The following NTM variants were observed in gnomAD, a reference collection of about 807,000 sequenced individuals.
The protein encoded by NTM is neurotrimin.
In NTM, 13 loss-of-function variants were observed where a neutral mutation model predicts 42.1. That is an observed-to-expected ratio of 0.31 (90% CI 0.20 to 0.49). NTM has a LOEUF of 0.49. Among genes scored for constraint, NTM ranks in the 20% least tolerant of loss-of-function variants. The pLI is 0.99. For missense variants in NTM, 373 were observed against 452.8 expected, an observed-to-expected ratio of 0.82 and a Z score of 1.60; for synonymous variants, 187 against 179.2, an observed-to-expected ratio of 1.04 and a Z score of -0.35.
At chr11:132,266,544 G>A (rs948719177) in intron 4 of NTM, among the ~76,000 whole-genome samples, 3 of 152,200 alleles carry the variant, frequency 2.0e-5, no homozygotes, top group African/African-American at 4.8e-5. Context: ...GTAATGAGGA[G>A]AGGCTTTTAA....
At chr11:131,902,406 T>G (rs900797494) in intron 1 of NTM, among the ~76,000 whole-genome samples, 1 of 152,174 alleles carries the variant, frequency 6.6e-6, no homozygotes, top group East Asian at 1.9e-4. Flanking sequence ...ACCATTCCTG[T>G]CCCGGGGCCT....
chr11:132,294,212 T>G (rs2094540918), intron 4 of NTM, among the ~76,000 whole-genome samples: 1 of 152,140 alleles, frequency 6.6e-6, no homozygotes, highest in Admixed American at 6.5e-5. Flanking sequence ...CAATCATGTG[T>G]GTTCTGGTTA....
At chr11:132,062,028 G>A (rs1318722748) in intron 2 of NTM, among the ~76,000 whole-genome samples, 2 of 152,060 alleles carry the variant, frequency 1.3e-5, no homozygotes, top group Admixed American at 6.6e-5. Context: ...CACTGGCTGA[G>A]GAGTTACCAT....
chr11:131,670,752 T>G (rs2070046555), intron 1 of NTM, among the ~76,000 whole-genome samples: 1 of 152,202 alleles, frequency 6.6e-6, no homozygotes, highest in South Asian at 2.1e-4. Flanking sequence ...TTTCTCGACA[T>G]GGATGCTGTC....
At chr11:132,031,026 G>A (rs932558999) in intron 2 of NTM, among the ~76,000 whole-genome samples, 2 of 152,084 alleles carry the variant, frequency 1.3e-5, no homozygotes, top group East Asian at 1.9e-4. Context: ...ACACCAGGGC[G>A]CAAAATGACA....
intron 1 of NTM, among the ~76,000 whole-genome samples, chr11:131,737,622 T>C (rs2080643058): frequency 6.6e-6 from 1 of 152,132 alleles, no homozygotes; most frequent in South Asian, 2.1e-4. Context: ...AGATCTGGGT[T>C]TTGCAATGTC....
chr11:132,296,513 A>T (rs977923157), intron 4 of NTM, among the ~76,000 whole-genome samples: 2 of 152,212 alleles, frequency 1.3e-5, no homozygotes. Flanking sequence ...TGAGTCATAA[A>T]TAAACAGCCA....
intron 3 of NTM, among the ~76,000 whole-genome samples, chr11:132,171,449 G>T (rs1357278093): frequency 6.6e-6 from 1 of 152,162 alleles, no homozygotes; most frequent in Non-Finnish European, 1.5e-5. Context: ...CCTTTTTGTT[G>T]TGTTCTCACA....
intron 1 of NTM, among the ~76,000 whole-genome samples, chr11:131,573,295 AGCCACAG>A (rs1331680276): frequency 4.2e-5 from 6 of 142,632 alleles, no homozygotes; most frequent in African/African-American, 1.8e-4. Context: ...TGTGTCCCTA[AGCCACAG>A]TTTGCTCATT....
intron 3 of NTM, among the ~76,000 whole-genome samples, chr11:132,169,543 G>A (rs1040721105): frequency 6.6e-6 from 1 of 151,524 alleles, no homozygotes; most frequent in African/African-American, 2.4e-5. Context: ...CACTGTGTTA[G>A]CCAGGATGGT....
rs371389412 is a variant in NTM, at chr11:132,314,414, T to C, written c.783-138T>C. On this transcript the variant is annotated intron_variant, in intron 6 of 8. Transcript: ENST00000683400. ...GAACTACTACTACATTATGGTGTGG[T>C]TGAGTGGATCAAATAATGGTTATAA... 6.5e-4 allele frequency: 594 copies of C among 912,632 alleles called. 6 individuals carry two copies. The South Asian group carries it at 6.8e-3, about 10-fold the overall frequency. The allele number at this position is 912,632 out of a possible 1,614,324, so 56.5% of individuals were successfully genotyped here.
At chr11:131,870,496 G>A (rs1275251676) in intron 1 of NTM, among the ~76,000 whole-genome samples, 2 of 152,106 alleles carry the variant, frequency 1.3e-5, no homozygotes, top group Non-Finnish European at 2.9e-5. Context: ...CTGGTCATAT[G>A]TCTGGAGCTT....
intron 2 of NTM, among the ~76,000 whole-genome samples, chr11:132,071,073 A>G (rs779322996): frequency 2.8e-5 from 4 of 141,914 alleles, no homozygotes; most frequent in African/African-American, 5.1e-5. Flanking sequence ...GTCACAGGTT[A>G]GTTAACACGT....
intron 1 of NTM, among the ~76,000 whole-genome samples, chr11:131,374,325 T>A (rs1941661711): frequency 6.6e-6 from 1 of 152,212 alleles, no homozygotes; most frequent in African/African-American, 2.4e-5. Context: ...GAGCATTCGC[T>A]CAAGCGTGCC....
At chr11:131,970,646 A>G (rs1012379664) in intron 2 of NTM, among the ~76,000 whole-genome samples, 1 of 152,128 alleles carries the variant, frequency 6.6e-6, no homozygotes, top group Admixed American at 6.5e-5. Context: ...GCCAGTTATG[A>G]TATACATTCC....
chr11:132,202,954 G>A (rs1021252926), intron 3 of NTM, among the ~76,000 whole-genome samples: 2 of 152,172 alleles, frequency 1.3e-5, no homozygotes, highest in Non-Finnish European at 2.9e-5. Context: ...TGACAAAAGG[G>A]TTCTGGTGAA....
chr11:131,989,327 A>G (rs866515281), intron 2 of NTM, among the ~76,000 whole-genome samples: 1 of 151,914 alleles, frequency 6.6e-6, no homozygotes, highest in Non-Finnish European at 1.5e-5. Context: ...CATTTAAAAA[A>G]TCAACAGTAA....
At chr11:131,636,501 G>C (rs961313000) in intron 1 of NTM, among the ~76,000 whole-genome samples, 1 of 152,164 alleles carries the variant, frequency 6.6e-6, no homozygotes, top group Non-Finnish European at 1.5e-5. Flanking sequence ...CCTGAGTTCG[G>C]GAGCTGTGGA....
At chr11:132,053,922 C>G (rs1052772510) in intron 2 of NTM, among the ~76,000 whole-genome samples, 3 of 152,142 alleles carry the variant, frequency 2.0e-5, no homozygotes, top group Non-Finnish European at 4.4e-5. Context: ...AGTGGTCACC[C>G]AATAAAAAAG....
Sources: allele counts gnomAD v4.1 joint callset (sites outside exome capture counted in the v4.1 genomes callset), GRCh38; gene constraint gnomAD v4.1.1; transcripts MANE v1.5; gene names NCBI Gene and HGNC (gene_info 2026-07-23, HGNC 2026-07-21).